Variants in PCDHGA2 observed in about 807,000 individuals in gnomAD.
PCDHGA2 encodes the protein protocadherin gamma-A2.
Under a neutral mutation model 59.2 loss-of-function variants are expected in PCDHGA2, and 40 were observed. The observed-to-expected ratio is 0.68, with a 90% confidence interval of 0.52 to 0.88. The LOEUF (loss-of-function observed/expected upper bound fraction) is 0.88, where lower values mean the gene tolerates loss of function less well. Among genes scored for constraint, PCDHGA2 ranks in the 40% least tolerant of loss-of-function variants. The pLI is 0.00. For synonymous variants in PCDHGA2, 560 were observed against 526.0 expected (o/e 1.06, Z -0.89); for missense variants, 1,226 against 1,204.0 (o/e 1.02, Z -0.27).
In PCDHGA2 at chr5:141,476,254, T is replaced by C; in HGVS notation, c.2425-18553T>C. 1.2e-6 allele frequency: 2 copies of C among 1,613,820 alleles called. No individual in the cohort carries two copies. Among genetic ancestry groups the C allele is most frequent in the Non-Finnish European group, 8.5e-7 (1 of 1,179,976 alleles). On this transcript the variant is annotated intron_variant, in intron 1 of 3. Transcript: ENST00000394576. The surrounding 1 kb of genome is among the most constrained non-coding windows in gnomAD (Gnocchi z 7.6). ...CGGAGGAAAGAGAGAAGGGTTTCGCTGTGGGCAACGTGGTCGCGAACCTTG... is the reference window on the plus strand; with the variant it reads ...CGGAGGAAAGAGAGAAGGGTTTCGCCGTGGGCAACGTGGTCGCGAACCTTG...
intron 1 of PCDHGA2, among the ~76,000 whole-genome samples, chr5:141,464,300 A>G (rs1349155102): frequency 2.0e-5 from 3 of 149,898 alleles, no homozygotes; most frequent in East Asian, 1.9e-4. Context: ...ACTCCATTGT[A>G]TGTGCACATA....
intron 1 of PCDHGA2, chr5:141,400,462 G>C: frequency 1.2e-6 from 2 of 1,614,062 alleles, no homozygotes; most frequent in Non-Finnish European, 1.7e-6. Flanking sequence ...ACTTTGTGGT[G>C]ATTCATCTGG....
At chr5:141,384,379 G>A (rs1780024386) in intron 1 of PCDHGA2, 2 of 1,613,934 alleles carry the variant, frequency 1.2e-6, no homozygotes, top group Non-Finnish European at 8.5e-7. Context: ...CTTGGCCGAA[G>A]ACACCATCCA....
chr5:141,350,095 G>C (rs1235353073), intron 1 of PCDHGA2: 1 of 464,872 alleles, frequency 2.2e-6, no homozygotes, highest in Non-Finnish European at 3.6e-6. Context: ...GCGTCAGGCA[G>C]GGTGCCTTCC....
At chr5:141,415,344 G>A in intron 1 of PCDHGA2, 15 of 1,614,238 alleles carry the variant, frequency 9.3e-6, no homozygotes, top group Non-Finnish European at 1.3e-5. Flanking sequence ...TGCGGCGCTG[G>A]CACAAGTCAC....
chr5:141,422,785 T>C, intron 1 of PCDHGA2: 1 of 1,614,146 alleles, frequency 6.2e-7, no homozygotes, highest in Non-Finnish European at 8.5e-7. Flanking sequence ...TGCCCTACAA[T>C]CCTTCGACTA....
chr5:141,481,924 A>G (rs1189494301), intron 1 of PCDHGA2, among the ~76,000 whole-genome samples: 1 of 151,648 alleles, frequency 6.6e-6, no homozygotes, highest in Non-Finnish European at 1.5e-5. Context: ...AAAAAAAAAA[A>G]AAAAAAAAAA....
rs755429700 is a variant in PCDHGA2, at chr5:141,375,609, C to G, written c.2424+34214C>G. ...CTGTCCTCCTACGTGTCCATCAACT[C>G]CGACACTGGGATTCTGTACGCCCTG... On this transcript the variant is annotated intron_variant, in intron 1 of 3. Coordinates refer to ENST00000394576, the MANE Select transcript of PCDHGA2 (RefSeq NM_018915.4). 9.9e-6 allele frequency: 16 copies of G among 1,614,108 alleles called. No homozygotes were observed. The African/African-American group carries it at 2.1e-4, about 22-fold the overall frequency.
intron 1 of PCDHGA2, chr5:141,351,133 T>C: frequency 1.2e-6 from 2 of 1,614,002 alleles, no homozygotes; most frequent in Non-Finnish European, 1.7e-6. Flanking sequence ...TCAATCTCAA[T>C]CCAAATACTG....
rs118080774 is a variant in PCDHGA2, at chr5:141,422,026, G to A, written c.2425-72781G>A. On this transcript the variant is annotated intron_variant, in intron 1 of 3. Coordinates refer to ENST00000394576, the MANE Select transcript of PCDHGA2 (RefSeq NM_018915.4). ...CGGAACTCGGGTGCTGATGGTTAAT[G>A]CAACGGATCCAGACGAGGGAATCAA... 69 of 1,611,394 alleles carry A rather than the reference G, an allele frequency of 4.3e-5. No individual in the cohort carries two copies. The East Asian group carries it at 1.4e-3, about 32-fold the overall frequency.
intron 1 of PCDHGA2, among the ~76,000 whole-genome samples, chr5:141,434,742 G>A (rs1177333213): frequency 6.6e-6 from 1 of 151,500 alleles, no homozygotes; most frequent in Non-Finnish European, 1.5e-5. Context: ...TGAAGGCTAT[G>A]AGACCCCTGA....
chr5:141,506,017 C>G (rs2099850061), intron 3 of PCDHGA2, among the ~76,000 whole-genome samples: 1 of 152,176 alleles, frequency 6.6e-6, no homozygotes, highest in Non-Finnish European at 1.5e-5. Flanking sequence ...TTTGCTGCCC[C>G]TAACTCCAGA....
chr5:141,475,424 T>C (rs2099363271), intron 1 of PCDHGA2, among the ~76,000 whole-genome samples: 1 of 152,244 alleles, frequency 6.6e-6, no homozygotes, highest in African/African-American at 2.4e-5. Context: ...CTCCTGCTAA[T>C]TTGATAGTAG....
intron 1 of PCDHGA2, chr5:141,374,156 G>A: frequency 6.2e-7 from 1 of 1,612,230 alleles, no homozygotes; most frequent in Non-Finnish European, 8.5e-7. Context: ...GACGCTGTGG[G>A]GGGCCGCGGC....
In PCDHGA2 at chr5:141,346,162, T is replaced by C. The variant is rs1185543456; in HGVS notation, c.2424+4767T>C. 3.1e-6 allele frequency: 5 copies of C among 1,613,932 alleles called. No homozygotes were observed. The Admixed American group carries it at 8.3e-5, about 27-fold the overall frequency. On this transcript the variant is annotated intron_variant, in intron 1 of 3. Coordinates refer to ENST00000394576, the MANE Select transcript of PCDHGA2 (RefSeq NM_018915.4). ...TGCGTCTTCCTGGCCTTCGTCATCG[T>C]GCTGCTGGCGCTCAGGCTGCGGCGC...
chr5:141,460,289 T>C, intron 1 of PCDHGA2, among the ~76,000 whole-genome samples: 1 of 152,148 alleles, frequency 6.6e-6, no homozygotes, highest in East Asian at 1.9e-4. Context: ...TTTGTATTTC[T>C]TATGTCCTAT....
chr5:141,388,886 A>G (rs542218864), intron 1 of PCDHGA2: 1 of 1,613,988 alleles, frequency 6.2e-7, no homozygotes, highest in Non-Finnish European at 8.5e-7. Flanking sequence ...TGGAGGTAGA[A>G]GTCATAGATG....
In PCDHGA2 at chr5:141,477,556, T is replaced by C. The variant is rs2099412953; in HGVS notation, c.2425-17251T>C. On this transcript the variant is annotated intron_variant, in intron 1 of 3. Transcript: ENST00000394576. The surrounding 1 kb of genome is among the most constrained non-coding windows in gnomAD (Gnocchi z 4.9). The stretch of plus-strand genomic sequence containing the variant: ...CCGGGGCTCCAATACTAAACCTAAG[T>C]GTCTGGGACCCCGACGCCCCGCAGA... 6.2e-7 allele frequency: 1 copy of C among 1,614,164 alleles called. No homozygotes were observed. The highest frequency in any genetic ancestry group is 1.1e-5 in the South Asian group (1 of 91,086).
intron 1 of PCDHGA2, chr5:141,416,446 G>A (rs192789193): frequency 8.5e-5 from 13 of 152,284 alleles, no homozygotes; most frequent in East Asian, 5.8e-4. Context: ...GTAAATATGG[G>A]TTGGGAAGAC....
Sources: gnomAD v4.1 joint callset for allele counts (sites outside exome capture counted in the v4.1 genomes callset) on GRCh38, gnomAD v4.1.1 for gene constraint, Gnocchi (gnomAD v3.1) non-coding constraint, MANE v1.5 for transcripts, NCBI Gene and HGNC (gene_info 2026-07-23, HGNC 2026-07-21) for gene names.